MTUS2: variants seen among roughly 807,000 people sequenced by gnomAD.
The protein encoded by MTUS2 is microtubule associated scaffold protein 2.
In MTUS2, 40 loss-of-function variants were observed where a neutral mutation model predicts 114.1. That is an observed-to-expected ratio of 0.35 (90% CI 0.27 to 0.46). The LOEUF (loss-of-function observed/expected upper bound fraction) is 0.46, where lower values mean the gene tolerates loss of function less well. Among genes scored for constraint, MTUS2 ranks in the 20% least tolerant of loss-of-function variants. The pLI, the probability that MTUS2 is intolerant of heterozygous loss-of-function variation, is 1.00. For synonymous variants in MTUS2, 688 were observed against 672.0 expected (o/e 1.02, Z -0.37); for missense variants, 1,679 against 1,705.4 (o/e 0.98, Z 0.27).
intron 7 of MTUS2, among the ~76,000 whole-genome samples, chr13:29,338,256 A>AT (rs901656956): frequency 1.3e-5 from 2 of 151,908 alleles, no homozygotes; most frequent in African/African-American, 2.4e-5. Context: ...TTAATTCATG[A>AT]TTTTTTTCTT....
intron 2 of MTUS2, among the ~76,000 whole-genome samples, chr13:28,903,561 G>T (rs1175230788): frequency 6.6e-6 from 1 of 151,428 alleles, no homozygotes; most frequent in Non-Finnish European, 1.5e-5. Flanking sequence ...ATGGTTTCCA[G>T]CTTCATCCAT....
intron 7 of MTUS2, among the ~76,000 whole-genome samples, chr13:29,347,660 C>T (rs1207092367): frequency 1.3e-5 from 2 of 152,146 alleles, no homozygotes; most frequent in Non-Finnish European, 2.9e-5. Context: ...AAGTATAACA[C>T]TAATTACCCA....
chr13:28,960,849 GGT>G (rs1176384559), intron 2 of MTUS2, among the ~76,000 whole-genome samples: 1 of 151,960 alleles, frequency 6.6e-6, no homozygotes, highest in Admixed American at 6.6e-5. Flanking sequence ...TGAATTCTAT[GGT>G]GTGTGAATTA....
chr13:29,500,319 G>A (rs928945810), intron 14 of MTUS2, among the ~76,000 whole-genome samples: 1 of 152,192 alleles, frequency 6.6e-6, no homozygotes, highest in Admixed American at 6.5e-5. Context: ...CATGGAAAAG[G>A]GACAGTTTTC....
At chr13:29,384,632 C>T (rs2138382887) in intron 8 of MTUS2, among the ~76,000 whole-genome samples, 1 of 152,352 alleles carries the variant, frequency 6.6e-6, no homozygotes, top group East Asian at 1.9e-4. Context: ...GTTTGTTCCT[C>T]TTATCTGCAG....
At chr13:29,123,266 A>AT (rs1452050946) in intron 5 of MTUS2, among the ~76,000 whole-genome samples, 1 of 150,074 alleles carries the variant, frequency 6.7e-6, no homozygotes, top group Non-Finnish European at 1.5e-5. Flanking sequence ...TACTGATTTT[A>AT]TTTTTTTCAT....
At chr13:28,940,045 C>T (rs574246643) in intron 2 of MTUS2, among the ~76,000 whole-genome samples, 1 of 152,270 alleles carries the variant, frequency 6.6e-6, no homozygotes, top group Admixed American at 6.5e-5. Flanking sequence ...AGTTACCTCC[C>T]ACTGGTTCCC....
At chr13:29,281,891 T>G (rs780137735) in intron 6 of MTUS2, 26 bp downstream of exon 6, 2 of 1,550,132 alleles carry the variant, frequency 1.3e-6, no homozygotes, top group African/African-American at 2.7e-5. Flanking sequence ...TTGGAGAGGC[T>G]CCATGGTGGA....
intron 5 of MTUS2, among the ~76,000 whole-genome samples, chr13:29,247,452 C>T (rs1896966760): frequency 3.9e-5 from 6 of 152,158 alleles, no homozygotes; most frequent in Admixed American, 3.9e-4. Context: ...AAGAAATAAT[C>T]AGCAAAGTAA....
At chr13:29,171,000 G>C (rs1302261003) in intron 5 of MTUS2, among the ~76,000 whole-genome samples, 1 of 152,158 alleles carries the variant, frequency 6.6e-6, no homozygotes, top group Non-Finnish European at 1.5e-5. Context: ...CTGGTAGCCT[G>C]ACTCTTAGAA....
intron 1 of MTUS2, among the ~76,000 whole-genome samples, chr13:28,825,198 G>A (rs115259789): frequency 3.3e-5 from 5 of 152,122 alleles, no homozygotes; most frequent in African/African-American, 4.8e-5. Flanking sequence ...TCAGGGCATC[G>A]GAATCCAGCC....
chr13:29,360,688 A>AACCCCC (rs1870153205), intron 8 of MTUS2, among the ~76,000 whole-genome samples: 4 of 87,154 alleles, frequency 4.6e-5, no homozygotes, highest in South Asian at 5.1e-4. Flanking sequence ...GTAGCCGAAC[A>AACCCCC]CCCCCCCCCC....
chr13:29,052,984 T>C (rs1887973475), intron 4 of MTUS2, among the ~76,000 whole-genome samples: 1 of 152,220 alleles, frequency 6.6e-6, no homozygotes, highest in Non-Finnish European at 1.5e-5. Flanking sequence ...CCTGCTGCTC[T>C]GTGAAGAGGT....
chr13:29,375,624 T>TAAAAA (rs1566163760), intron 8 of MTUS2, among the ~76,000 whole-genome samples: 9 of 39,334 alleles, frequency 2.3e-4, no homozygotes, highest in African/African-American at 1.0e-3. Context: ...TATATATATA[T>TAAAAA]ATATATATAT....
At chr13:29,200,286 G>T (rs866487573) in intron 5 of MTUS2, among the ~76,000 whole-genome samples, 3 of 151,780 alleles carry the variant, frequency 2.0e-5, no homozygotes, top group Non-Finnish European at 4.4e-5. Context: ...TGATGTTAGG[G>T]TGTCGATTTT....
At chr13:28,922,036 G>A (rs1275083743) in intron 2 of MTUS2, among the ~76,000 whole-genome samples, 1 of 152,132 alleles carries the variant, frequency 6.6e-6, no homozygotes, top group African/African-American at 2.4e-5. Flanking sequence ...TAGGGACCTG[G>A]TAGGAGGGGA....
At chr13:28,980,067 G>GA (rs1238162700) in intron 2 of MTUS2, among the ~76,000 whole-genome samples, 2 of 152,140 alleles carry the variant, frequency 1.3e-5, no homozygotes, top group Non-Finnish European at 1.5e-5. Flanking sequence ...GATGCGTTTT[G>GA]AAAAGGAATA....
intron 4 of MTUS2, among the ~76,000 whole-genome samples, chr13:29,037,124 G>C (rs1479863934): frequency 6.6e-6 from 1 of 152,158 alleles, no homozygotes; most frequent in Non-Finnish European, 1.5e-5. Context: ...TTACAATTTG[G>C]TATGTTTTTG....
Position 29,167,940 on chromosome 13 carries a change from G to A in MTUS2, c.2644+66970G>A, listed in dbSNP as rs12868606. Among the ~76,000 whole-genome samples, 431 of 152,180 alleles carry A rather than the reference G, an allele frequency of 2.8e-3. 3 individuals carry two copies. In the Middle Eastern group the frequency reaches 0.034, roughly 12 times the overall value. ...AAATAGGAGTACATGACAGGCAAGAGGAAAGCAAAACCAATGTTTTTACGT... is the reference window on the plus strand; with the variant it reads ...AAATAGGAGTACATGACAGGCAAGAAGAAAGCAAAACCAATGTTTTTACGT... On this transcript the variant is annotated intron_variant, in intron 5 of 15. Transcript: ENST00000612955.
Sources: gnomAD v4.1 joint callset for allele counts (sites outside exome capture counted in the v4.1 genomes callset) on GRCh38, gnomAD v4.1.1 for gene constraint, MANE v1.5 for transcripts, NCBI Gene and HGNC (gene_info 2026-07-23, HGNC 2026-07-21) for gene names.